ADARB2: variants seen among roughly 807,000 people sequenced by gnomAD.
ADARB2 encodes the protein adenosine deaminase RNA specific B2 (inactive), also known as inactive double-stranded RNA-specific editase B2.
ADARB2 carries 25 observed loss-of-function variants against 62.2 expected under a neutral mutation model. The ratio of observed to expected loss-of-function variants is 0.40; its 90% confidence interval spans 0.29 to 0.56. The LOEUF (loss-of-function observed/expected upper bound fraction) is 0.56. Among genes scored for constraint, ADARB2 ranks in the 20% least tolerant of loss-of-function variants. The pLI is 0.43. For missense variants in ADARB2, 1,071 were observed against 1,077.4 expected (o/e 0.99, Z 0.08); for synonymous variants, 572 against 500.8 (o/e 1.14, Z -1.90).
intron 3 of ADARB2, among the ~76,000 whole-genome samples, chr10:1,316,312 G>A (rs1008614252): frequency 3.3e-5 from 5 of 152,254 alleles, no homozygotes; most frequent in Admixed American, 1.3e-4. Context: ...CTGCTCTGCC[G>A]TGGTGATGGC....
intron 1 of ADARB2, among the ~76,000 whole-genome samples, chr10:1,720,534 T>G (rs1204231970): frequency 6.6e-6 from 1 of 152,060 alleles, no homozygotes; most frequent in Non-Finnish European, 1.5e-5. Context: ...ATCCCCTGAA[T>G]CTAAAATAAA....
chr10:1,648,990 C>T (rs977507941), intron 1 of ADARB2, among the ~76,000 whole-genome samples: 6 of 152,136 alleles, frequency 3.9e-5, no homozygotes, highest in Admixed American at 2.0e-4. Context: ...CCACAGTTTG[C>T]GGTGATAATA....
chr10:1,189,831 C>T (rs1199994616), intron 8 of ADARB2, among the ~76,000 whole-genome samples: 2 of 95,940 alleles, frequency 2.1e-5, no homozygotes, highest in South Asian at 4.6e-4. Context: ...CCCCAGAACA[C>T]GTGGCGCTAC....
At chr10:1,306,496 G>A (rs367989261) in intron 3 of ADARB2, among the ~76,000 whole-genome samples, 16 of 151,974 alleles carry the variant, frequency 1.1e-4, no homozygotes, top group East Asian at 9.7e-4. Context: ...AAGGTAATTT[G>A]CAGATTCAAT....
chr10:1,369,561 G>T (rs1020028375), intron 2 of ADARB2, among the ~76,000 whole-genome samples: 1 of 152,232 alleles, frequency 6.6e-6, no homozygotes, highest in African/African-American at 2.4e-5. Context: ...GCAGTGGAAG[G>T]TGCAGGTGAT....
chr10:1,434,969 A>G (rs910922790), intron 1 of ADARB2, among the ~76,000 whole-genome samples: 3 of 152,252 alleles, frequency 2.0e-5, no homozygotes, highest in African/African-American at 4.8e-5. Flanking sequence ...GCAGAGAGAA[A>G]TAGCAGCCCA....
intron 1 of ADARB2, among the ~76,000 whole-genome samples, chr10:1,608,970 C>T (rs1833532336): frequency 6.6e-6 from 1 of 151,974 alleles, no homozygotes; most frequent in African/African-American, 2.4e-5. Context: ...CCACATTAAA[C>T]CGTGGCATCC....
intron 1 of ADARB2, among the ~76,000 whole-genome samples, chr10:1,400,855 C>A (rs904961637): frequency 6.6e-6 from 1 of 152,162 alleles, no homozygotes; most frequent in East Asian, 1.9e-4. Flanking sequence ...GGAGTTGGAG[C>A]CCTGGGACAG....
chr10:1,691,157 A>T (rs942559490), intron 1 of ADARB2, among the ~76,000 whole-genome samples: 1 of 152,150 alleles, frequency 6.6e-6, no homozygotes, highest in Non-Finnish European at 1.5e-5. Flanking sequence ...GGCTTCATCC[A>T]ATAGGACTTG....
chr10:1,452,648 T>G (rs2131902791), intron 1 of ADARB2, among the ~76,000 whole-genome samples: 2 of 76,016 alleles, frequency 2.6e-5, no homozygotes, highest in South Asian at 4.9e-4. Flanking sequence ...CTGGGGCCTG[T>G]TGGGGGGTTG....
intron 1 of ADARB2, among the ~76,000 whole-genome samples, chr10:1,651,078 G>A (rs1263909898): frequency 6.6e-6 from 1 of 152,228 alleles, no homozygotes; most frequent in Non-Finnish European, 1.5e-5. Context: ...TGAGACAGAC[G>A]GCCCGGCTTC....
intron 1 of ADARB2, among the ~76,000 whole-genome samples, chr10:1,628,455 TAATAAGC>T (rs1833799487): frequency 6.6e-6 from 1 of 152,240 alleles, no homozygotes; most frequent in Non-Finnish European, 1.5e-5. Context: ...GGGAGGAACT[TAATAAGC>T]CAAGATTCTA....
intron 1 of ADARB2, among the ~76,000 whole-genome samples, chr10:1,400,131 G>A (rs1832649414): frequency 6.6e-6 from 1 of 152,230 alleles, no homozygotes; most frequent in Admixed American, 6.5e-5. Flanking sequence ...CTGAGCGTGG[G>A]CAGAGAGGGG....
At chr10:1,599,177 C>G (rs927124857) in intron 1 of ADARB2, among the ~76,000 whole-genome samples, 2 of 152,210 alleles carry the variant, frequency 1.3e-5, no homozygotes, top group African/African-American at 4.8e-5. Flanking sequence ...CACGGGCCAT[C>G]CTCCCTGCAG....
intron 1 of ADARB2, among the ~76,000 whole-genome samples, chr10:1,408,921 A>C (rs1832730387): frequency 6.6e-6 from 1 of 152,172 alleles, no homozygotes; most frequent in South Asian, 2.1e-4. Flanking sequence ...CTCCTCACCC[A>C]CTGTGGCTGC....
At chr10:1,422,712 G>C (rs1564285615) in intron 1 of ADARB2, among the ~76,000 whole-genome samples, 1 of 152,226 alleles carries the variant, frequency 6.6e-6, no homozygotes, top group Non-Finnish European at 1.5e-5. Context: ...ATAAATTGCT[G>C]TAACAATGAC....
chr10:1,469,797 C>T (rs1294496196), intron 1 of ADARB2, among the ~76,000 whole-genome samples: 1 of 152,158 alleles, frequency 6.6e-6, no homozygotes, highest in African/African-American at 2.4e-5. Flanking sequence ...ATGACAACTG[C>T]TAGAGAGATG....
chr10:1,201,990 A>G (rs1359414299), intron 7 of ADARB2, among the ~76,000 whole-genome samples: 2 of 152,260 alleles, frequency 1.3e-5, no homozygotes, highest in African/African-American at 4.8e-5. Context: ...TTCAGAGTCA[A>G]TCTTTTCCTT....
chr10:1,661,411 C>T (rs1834246361), intron 1 of ADARB2, among the ~76,000 whole-genome samples: 1 of 152,212 alleles, frequency 6.6e-6, no homozygotes, highest in Admixed American at 6.5e-5. Context: ...CCTCTCATCT[C>T]ATCTCCCAAT....
Sources: allele counts gnomAD v4.1 joint callset (sites outside exome capture counted in the v4.1 genomes callset), GRCh38; gene constraint gnomAD v4.1.1; transcripts MANE v1.5; gene names NCBI Gene and HGNC (gene_info 2026-07-23, HGNC 2026-07-21).